RIMKLB: variants seen among roughly 807,000 people sequenced by gnomAD.
RIMKLB encodes the protein ribosomal modification protein rimK like family member B.
RIMKLB carries 7 observed loss-of-function variants against 32.0 expected under a neutral mutation model. That is an observed-to-expected ratio of 0.22 (90% confidence interval 0.12 to 0.41). The LOEUF (loss-of-function observed/expected upper bound fraction) is 0.41. Ranked by LOEUF, RIMKLB falls within the 10% of genes least tolerant of loss-of-function variation. RIMKLB has a pLI of 1.00. For synonymous variants in RIMKLB, 172 were observed against 185.1 expected (o/e 0.93, Z 0.57); for missense variants, 289 against 498.7 (o/e 0.58, Z 4.00).
chr12:8,700,070 C>T (rs1414490225), intron 1 of RIMKLB: 2 of 152,158 alleles, frequency 1.3e-5, no homozygotes, highest in African/African-American at 2.4e-5. Flanking sequence ...GTAGTAGTAT[C>T]TAGGAGTAGC....
chr12:8,712,172 C>T (rs904887692), intron 1 of RIMKLB, among the ~76,000 whole-genome samples: 1 of 152,034 alleles, frequency 6.6e-6, no homozygotes, highest in African/African-American at 2.4e-5. Context: ...TGGTCCTTAT[C>T]TTCTTTTTTG....
At chr12:8,726,837 A>G (rs1439368220) in intron 2 of RIMKLB, among the ~76,000 whole-genome samples, 1 of 152,056 alleles carries the variant, frequency 6.6e-6, no homozygotes, top group Non-Finnish European at 1.5e-5. Flanking sequence ...AAATTAACAT[A>G]TCATGTTTGT....
intron 2 of RIMKLB, among the ~76,000 whole-genome samples, chr12:8,740,859 G>T (rs1378929945): frequency 6.6e-6 from 1 of 152,110 alleles, no homozygotes; most frequent in Non-Finnish European, 1.5e-5. Flanking sequence ...GATCACTTGA[G>T]GTCAGGAGTT....
chr12:8,702,961 TGTAA>T (rs1282019254), intron 1 of RIMKLB, among the ~76,000 whole-genome samples: 7 of 152,188 alleles, frequency 4.6e-5, no homozygotes, highest in Non-Finnish European at 1.0e-4. Flanking sequence ...AATAATTTGA[TGTAA>T]GTTTCTTCTA....
At chr12:8,692,862 G>A (rs1195139759), upstream of RIMKLB, among the ~76,000 whole-genome samples, 1 of 152,208 alleles carries the variant, frequency 6.6e-6, no homozygotes, top group Non-Finnish European at 1.5e-5. Flanking sequence ...TACTGCAGCT[G>A]CCGCTACCGT....
intron 5 of RIMKLB, among the ~76,000 whole-genome samples, chr12:8,754,343 T>G (rs1397138868): frequency 6.6e-6 from 1 of 152,248 alleles, no homozygotes; most frequent in Non-Finnish European, 1.5e-5. Context: ...TAACCCAATT[T>G]ACACATGTAT....
intron 2 of RIMKLB, among the ~76,000 whole-genome samples, chr12:8,731,489 G>C (rs1186867981): frequency 6.6e-6 from 1 of 151,876 alleles, no homozygotes; most frequent in Admixed American, 6.6e-5. Flanking sequence ...AGGAGGGGAT[G>C]ATGAGGGCTT....
At chr12:8,671,639 G>C in the RIMKLB span, among the ~76,000 whole-genome samples, 1 of 152,054 alleles carries the variant, frequency 6.6e-6, no homozygotes, top group South Asian at 2.1e-4. Flanking sequence ...CTGGCCGGGC[G>C]TGGTGGCTCA....
intron 2 of RIMKLB, among the ~76,000 whole-genome samples, chr12:8,732,581 C>T (rs1052964915): frequency 6.6e-6 from 1 of 152,118 alleles, no homozygotes; most frequent in Admixed American, 6.6e-5. Context: ...TCTTAGCATT[C>T]AGATAATCTG....
intron 1 of RIMKLB, among the ~76,000 whole-genome samples, chr12:8,711,459 C>T (rs964088287): frequency 4.0e-5 from 6 of 151,842 alleles, no homozygotes; most frequent in Admixed American, 2.6e-4. Flanking sequence ...GGCCAAGGCA[C>T]GGACATAGCT....
chr12:8,773,124 A>G (rs1203101837), intron 5 of RIMKLB, among the ~76,000 whole-genome samples, 197 bp from the exon 6 acceptor site: 1 of 152,016 alleles, frequency 6.6e-6, no homozygotes, highest in Non-Finnish European at 1.5e-5. Flanking sequence ...TTACGAAATC[A>G]TCAATTCCTG....
In RIMKLB at chr12:8,755,660, C is replaced by T. The variant is rs373724764; in HGVS notation, c.697+1567C>T. Among the ~76,000 whole-genome samples the T allele has an allele frequency of 4.0e-3, 604 of 152,194 alleles. 1 individual carries two copies. Among genetic ancestry groups the T allele is most frequent in the Non-Finnish European group, 7.0e-3 (473 of 68,008 alleles). The stretch of plus-strand genomic sequence containing the variant: ...TTCCCTCCTAATCTCTTCCTAACAC[C>T]GCAGTGATATGACGGATGCTTTTAC... On this transcript the variant is annotated intron_variant, in intron 5 of 5. Coordinates refer to ENST00000535829, the MANE Select transcript of RIMKLB (RefSeq NM_001297776.2).
chr12:8,733,665 G>T (rs1946745516), intron 2 of RIMKLB, among the ~76,000 whole-genome samples: 1 of 152,166 alleles, frequency 6.6e-6, no homozygotes, highest in Non-Finnish European at 1.5e-5. Context: ...GTGAGGCCAG[G>T]AGTTCAAGAC....
chr12:8,717,957 G>A (rs2137031147), intron 2 of RIMKLB, among the ~76,000 whole-genome samples: 1 of 152,250 alleles, frequency 6.6e-6, no homozygotes, highest in Admixed American at 6.5e-5. Flanking sequence ...GCTGTTGCCT[G>A]TTGTAGCACT....
chr12:8,719,698 T>C (rs1565573409), intron 2 of RIMKLB, among the ~76,000 whole-genome samples: 1 of 152,284 alleles, frequency 6.6e-6, no homozygotes, highest in East Asian at 1.9e-4. Context: ...TCCAATTTAA[T>C]AATTATTGAG....
chr12:8,679,913 G>A (rs556261068), upstream of RIMKLB, among the ~76,000 whole-genome samples: 18 of 152,144 alleles, frequency 1.2e-4, no homozygotes, highest in Admixed American at 2.6e-4. Flanking sequence ...AGATGGTTAA[G>A]GCATTGTAAG....
At chr12:8,686,970 T>C (rs1942596114) in intron 1 of RIMKLB, among the ~76,000 whole-genome samples, 1 of 152,188 alleles carries the variant, frequency 6.6e-6, no homozygotes, top group South Asian at 2.1e-4. Flanking sequence ...TCTCTAAGGA[T>C]TTCAATCTGG....
In RIMKLB at chr12:8,775,869, G is replaced by A. The variant is rs768636850; in HGVS notation, c.*2085G>A. 2.6e-5 allele frequency: 26 copies of A among 985,046 alleles called. No individual in the cohort carries two copies. The highest frequency in any genetic ancestry group is 3.0e-5 in the Non-Finnish European group (25 of 829,636). 61.0% of individuals were successfully genotyped at this position (985,046 alleles called of 1,614,324 possible). A position where few individuals can be genotyped will look rare whatever the true frequency, so the allele number is the denominator to read the frequency against. On this transcript the variant is annotated 3_prime_UTR_variant, in exon 6 of 6. Coordinates refer to ENST00000535829, the MANE Select transcript of RIMKLB (RefSeq NM_001297776.2). ...CATTTAAAAGAACTTATCTTGCGCA[G>A]GGTAAATGGGGGACTCACATACATA...
At chr12:8,782,839 GTATTTTT>G (rs1951176500) in intron 7 of RIMKLB, 1 of 151,942 alleles carries the variant, frequency 6.6e-6, no homozygotes, top group Non-Finnish European at 1.5e-5. Context: ...GTCTTTATTT[GTATTTTT>G]TCTTATCCTG....
Sources: gnomAD v4.1 joint callset for allele counts (sites outside exome capture counted in the v4.1 genomes callset) on GRCh38, gnomAD v4.1.1 for gene constraint, MANE v1.5 for transcripts, NCBI Gene and HGNC (gene_info 2026-07-23, HGNC 2026-07-21) for gene names.